SORCS3: variants seen among roughly 807,000 people sequenced by gnomAD.
The protein encoded by SORCS3 is VPS10 domain-containing receptor SorCS3.
Under a neutral mutation model 146.3 loss-of-function variants are expected in SORCS3, and 57 were observed. The ratio of observed to expected loss-of-function variants is 0.39; its 90% confidence interval spans 0.31 to 0.49. The LOEUF (loss-of-function observed/expected upper bound fraction) is 0.49. Ranked by LOEUF, SORCS3 falls within the 20% of genes least tolerant of loss-of-function variation. The pLI is 0.92. For synonymous variants in SORCS3, 653 were observed against 618.5 expected, an observed-to-expected ratio of 1.06 and a Z score of -0.83; for missense variants, 1,341 against 1,575.5, an observed-to-expected ratio of 0.85 and a Z score of 2.52.
intron 4 of SORCS3, among the ~76,000 whole-genome samples, chr10:105,017,921 T>C (rs1160402544): frequency 6.6e-6 from 1 of 152,198 alleles, no homozygotes; most frequent in Non-Finnish European, 1.5e-5. Context: ...TGGGGTGTTT[T>C]CTGGCTGATG....
At chr10:105,029,730 A>T (rs1017949343) in intron 4 of SORCS3, among the ~76,000 whole-genome samples, 5 of 152,224 alleles carry the variant, frequency 3.3e-5, no homozygotes, top group Admixed American at 3.3e-4. Context: ...CCCTTCTTTA[A>T]GAAGCTTCAA....
intron 3 of SORCS3, 21 bp downstream of exon 3, chr10:104,915,953 G>A (rs772586183): frequency 1.3e-6 from 2 of 1,584,132 alleles, no homozygotes; most frequent in African/African-American, 1.3e-5. Flanking sequence ...GGGTCAGTAG[G>A]TCCTGAGCAC....
chr10:104,842,738 C>T (rs966207055), intron 1 of SORCS3, 54 bp from the exon 2 acceptor site: 56 of 1,393,506 alleles, frequency 4.0e-5, no homozygotes, highest in Non-Finnish European at 5.5e-5. Flanking sequence ...AGTAAGCTTC[C>T]TTTTTTCCCT....
intron 2 of SORCS3, among the ~76,000 whole-genome samples, chr10:104,896,033 T>C (rs2018794317): frequency 6.6e-6 from 1 of 152,258 alleles, no homozygotes; most frequent in African/African-American, 2.4e-5. Context: ...TAAATATTTT[T>C]CTTCCATTTC....
At chr10:104,708,611 G>T (rs569623156) in intron 1 of SORCS3, among the ~76,000 whole-genome samples, 1 of 152,292 alleles carries the variant, frequency 6.6e-6, no homozygotes, top group South Asian at 2.1e-4. Context: ...CTGGGCTGGG[G>T]AGTTGGGTCA....
chr10:105,153,119 C>T (rs1352363054), intron 9 of SORCS3, among the ~76,000 whole-genome samples: 1 of 152,166 alleles, frequency 6.6e-6, no homozygotes, highest in African/African-American at 2.4e-5. Flanking sequence ...GTAGTCCACC[C>T]TTCTCTACCC....
chr10:105,175,214 ATTTT>A lies in SORCS3; in HGVS notation c.1902-2835_1902-2832del, dbSNP rs71482448. On this transcript the variant is annotated intron_variant, in intron 13 of 26. Coordinates refer to ENST00000369701, the MANE Select transcript of SORCS3 (RefSeq NM_014978.3). ...AGGCATGCGCCATCATGCTTGGCTAATTTTTTTTTTTTTTTTTTTTGTATTTAGT... is the reference window on the plus strand; with the variant it reads ...AGGCATGCGCCATCATGCTTGGCTAATTTTTTTTTTTTTTTTGTATTTAGT... Among the ~76,000 whole-genome samples the A allele has an allele frequency of 5.2e-5, 7 of 134,638 alleles. No individual in the cohort carries two copies. The South Asian group carries it at 1.2e-3, about 23-fold the overall frequency. The allele number at this position is 134,638 out of a possible 152,430, so 88.3% of individuals were successfully genotyped here. A position where few individuals can be genotyped will look rare whatever the true frequency, so the allele number is the denominator to read the frequency against.
intron 1 of SORCS3, among the ~76,000 whole-genome samples, chr10:104,839,872 A>T (rs1250439360): frequency 6.6e-6 from 1 of 151,866 alleles, no homozygotes; most frequent in Non-Finnish European, 1.5e-5. Flanking sequence ...TGGACATCTG[A>T]CCCCCCGGTG....
At chr10:104,949,976 A>G (rs1373182397) in intron 3 of SORCS3, among the ~76,000 whole-genome samples, 3 of 152,248 alleles carry the variant, frequency 2.0e-5, no homozygotes, top group Non-Finnish European at 2.9e-5. Context: ...ATTTGTAATC[A>G]GTTTTGGCTT....
chr10:104,887,407 T>C (rs1315565630), intron 2 of SORCS3, among the ~76,000 whole-genome samples: 2 of 152,188 alleles, frequency 1.3e-5, no homozygotes, highest in Non-Finnish European at 2.9e-5. Context: ...TCATTCAGTA[T>C]TGCTGGCATG....
chr10:105,172,967 G>GT (rs896400197), intron 13 of SORCS3, among the ~76,000 whole-genome samples: 21 of 151,098 alleles, frequency 1.4e-4, no homozygotes, highest in African/African-American at 2.2e-4. Context: ...TGGTGTTTTT[G>GT]TTTTTTTTGT....
At chr10:105,256,578 C>T (rs2056932755) in intron 24 of SORCS3, among the ~76,000 whole-genome samples, 1 of 152,138 alleles carries the variant, frequency 6.6e-6, no homozygotes. Context: ...CAATTTATAC[C>T]AAGAACTAGC....
intron 1 of SORCS3, among the ~76,000 whole-genome samples, chr10:104,655,837 C>A (rs2015623043): frequency 6.6e-6 from 1 of 152,170 alleles, no homozygotes; most frequent in Non-Finnish European, 1.5e-5. Context: ...TGCCTTCTGC[C>A]ATGATTGGAA....
intron 17 of SORCS3, among the ~76,000 whole-genome samples, chr10:105,213,531 G>A (rs2119646313): frequency 6.6e-6 from 1 of 152,228 alleles, no homozygotes; most frequent in South Asian, 2.1e-4. Context: ...TTTCTTTCAT[G>A]TGGTTTTTTA....
At chr10:104,917,343 GT>G (rs1378541836) in intron 3 of SORCS3, among the ~76,000 whole-genome samples, 3 of 152,092 alleles carry the variant, frequency 2.0e-5, no homozygotes, top group Non-Finnish European at 4.4e-5. Context: ...GTTATTAATA[GT>G]TTCTTTTAAT....
At chr10:104,776,799 A>G (rs980130471) in intron 1 of SORCS3, among the ~76,000 whole-genome samples, 1 of 151,722 alleles carries the variant, frequency 6.6e-6, no homozygotes, top group Admixed American at 6.6e-5. Context: ...ATACTCAGAG[A>G]ACTTTTCTGT....
chr10:104,960,406 A>T (rs1412771251), intron 3 of SORCS3, among the ~76,000 whole-genome samples: 1 of 152,062 alleles, frequency 6.6e-6, no homozygotes, highest in Non-Finnish European at 1.5e-5. Flanking sequence ...CATTTCTCAT[A>T]GTTCTGGAAG....
chr10:105,128,711 C>A (rs1349794624), intron 7 of SORCS3, among the ~76,000 whole-genome samples: 1 of 152,102 alleles, frequency 6.6e-6, no homozygotes, highest in Non-Finnish European at 1.5e-5. Context: ...AATTTCAGTG[C>A]CCCACGCAAT....
intron 1 of SORCS3, among the ~76,000 whole-genome samples, chr10:104,780,009 T>G (rs1157231118): frequency 6.6e-6 from 1 of 152,050 alleles, no homozygotes. Context: ...ATTGCTATTT[T>G]GCTTATGGGG....
Sources: allele counts gnomAD v4.1 joint callset (sites outside exome capture counted in the v4.1 genomes callset), GRCh38; gene constraint gnomAD v4.1.1; transcripts MANE v1.5; gene names NCBI Gene and HGNC (gene_info 2026-07-23, HGNC 2026-07-21).